Variants in EPS15 observed in about 807,000 individuals in gnomAD.
The protein encoded by EPS15 is epidermal growth factor receptor substrate 15.
EPS15 carries 72 observed loss-of-function variants against 113.8 expected under a neutral mutation model. That is an observed-to-expected ratio of 0.63 (90% CI 0.52 to 0.77). The LOEUF (loss-of-function observed/expected upper bound fraction) is 0.77, where lower values mean the gene tolerates loss of function less well. EPS15 is among the 30% of genes least tolerant of loss of function. EPS15 has a pLI of 0.00. For synonymous variants in EPS15, 344 were observed against 363.4 expected, an observed-to-expected ratio of 0.95 and a Z score of 0.61; for missense variants, 1,048 against 1,045.8, an observed-to-expected ratio of 1.00 and a Z score of -0.03.
intron 12 of EPS15, among the ~76,000 whole-genome samples, chr1:51,435,125 A>G (rs1489983148): frequency 6.6e-6 from 1 of 152,128 alleles, no homozygotes; most frequent in Non-Finnish European, 1.5e-5. Flanking sequence ...TCAGCCCACT[A>G]ACCTTAATGT....
At chr1:51,490,221 C>T (rs1009320773) in intron 1 of EPS15, 1 of 423,454 alleles carries the variant, frequency 2.4e-6, no homozygotes, top group African/African-American at 2.1e-5. Flanking sequence ...CTCTAACACA[C>T]AAAATAAACT....
chr1:51,444,845 C>A (rs1435703715), intron 11 of EPS15, 44 bp downstream of exon 11: 1 of 1,550,590 alleles, frequency 6.4e-7, no homozygotes, highest in African/African-American at 1.4e-5. Flanking sequence ...TAGTATTGTT[C>A]CTTTGAAATT....
At chr1:51,514,052 T>A (rs1187733422) in intron 1 of EPS15, among the ~76,000 whole-genome samples, 1 of 152,186 alleles carries the variant, frequency 6.6e-6, no homozygotes, top group Admixed American at 6.5e-5. Flanking sequence ...AAAATTTTAG[T>A]GTTTTTTTTC....
intron 9 of EPS15, among the ~76,000 whole-genome samples, chr1:51,447,372 T>A (rs1274235029): frequency 6.6e-6 from 1 of 152,222 alleles, no homozygotes; most frequent in African/African-American, 2.4e-5. Context: ...CAAACATAGT[T>A]AACTCTTGAC....
chr1:51,493,878 G>C (rs1644285195), intron 1 of EPS15, among the ~76,000 whole-genome samples: 1 of 151,990 alleles, frequency 6.6e-6, no homozygotes, highest in Non-Finnish European at 1.5e-5. Context: ...GCCTCCCAAA[G>C]TGCTGGGATT....
At chr1:51,408,797 ATTTTTTT>A (rs34612487) in intron 14 of EPS15, among the ~76,000 whole-genome samples, 1 of 109,598 alleles carries the variant, frequency 9.1e-6, no homozygotes, top group African/African-American at 3.5e-5. Context: ...CTGGCTTTCA[ATTTTTTT>A]TTTTTTTTTT....
chr1:51,357,379 A>G (rs1646241617), intron 24 of EPS15, among the ~76,000 whole-genome samples: 1 of 39,670 alleles, frequency 2.5e-5, no homozygotes, highest in Non-Finnish European at 4.5e-5. Flanking sequence ...TCCATCTGAA[A>G]AAAAAAAAAA....
At chr1:51,401,008 C>A (rs760414927) in intron 18 of EPS15, 55 bp from the exon 19 acceptor site, 2 of 1,146,618 alleles carry the variant, frequency 1.7e-6, no homozygotes, top group Non-Finnish European at 1.3e-6. Flanking sequence ...TGTGGTGACA[C>A]CACTACTTAA....
At chr1:51,467,015 C>A (rs1654888150) in intron 5 of EPS15, among the ~76,000 whole-genome samples, 1 of 152,148 alleles carries the variant, frequency 6.6e-6, no homozygotes, top group African/African-American at 2.4e-5. Context: ...TATAAACAGA[C>A]ATTCACATAA....
At chr1:51,494,596 G>C (rs1644295123) in intron 1 of EPS15, among the ~76,000 whole-genome samples, 1 of 152,158 alleles carries the variant, frequency 6.6e-6, no homozygotes, top group Non-Finnish European at 1.5e-5. Context: ...CACTGTATCA[G>C]TTCACAAGGG....
intron 5 of EPS15, among the ~76,000 whole-genome samples, chr1:51,466,112 A>C (rs1654825620): frequency 1.3e-5 from 2 of 149,632 alleles, no homozygotes; most frequent in Non-Finnish European, 3.0e-5. Context: ...CAAATATGAT[A>C]ATTAAAACAA....
In EPS15 at chr1:51,405,835, T is replaced by C. The variant is rs1292342906; in HGVS notation, c.1677+70A>G. 9 of 1,267,774 alleles carry C rather than the reference T, an allele frequency of 7.1e-6. No homozygotes were observed. The African/African-American group carries it at 1.2e-4, about 17-fold the overall frequency. The allele number at this position is 1,267,774 out of a possible 1,614,324, so 78.5% of individuals were successfully genotyped here. A position where few individuals can be genotyped will look rare whatever the true frequency, so the allele number is the denominator to read the frequency against. Reference sequence around the variant, plus strand: ...GGCAAGGCCATGTATTTATATTAGATATAATGTCAGTGAAACTTGGATCTG... The same window carrying C: ...GGCAAGGCCATGTATTTATATTAGACATAATGTCAGTGAAACTTGGATCTG... On this transcript the variant is annotated intron_variant, in intron 16 of 24. Transcript: ENST00000371733.
At chr1:51,430,140 AC>A (rs1651588138) in intron 12 of EPS15, among the ~76,000 whole-genome samples, 1 of 152,062 alleles carries the variant, frequency 6.6e-6, no homozygotes, top group African/African-American at 2.4e-5. Flanking sequence ...GCAATAAAAC[AC>A]CCTGACTCTG....
At chr1:51,397,795 TAATC>T (rs1218641624) in intron 20 of EPS15, among the ~76,000 whole-genome samples, 2 of 152,242 alleles carry the variant, frequency 1.3e-5, no homozygotes, top group East Asian at 3.8e-4. Flanking sequence ...GAAATATTCT[TAATC>T]TAATAGTACT....
intron 12 of EPS15, among the ~76,000 whole-genome samples, chr1:51,426,837 C>CTCTATATA (rs377211027): frequency 3.1e-4 from 45 of 143,560 alleles, no homozygotes; most frequent in Non-Finnish European, 5.0e-4. Context: ...CTCTCTCTCT[C>CTCTATATA]TATATATATA....
intron 8 of EPS15, chr1:51,458,598 G>A (rs761661902): frequency 6.9e-6 from 3 of 436,056 alleles, no homozygotes; most frequent in African/African-American, 2.1e-5. Flanking sequence ...TTAGCCGGGG[G>A]TGGTGGTGCA....
At chr1:51,462,934 T>C (rs1421002771) in intron 7 of EPS15, among the ~76,000 whole-genome samples, 1 of 144,450 alleles carries the variant, frequency 6.9e-6, no homozygotes, top group Admixed American at 7.3e-5. Flanking sequence ...TGGAGTGTAG[T>C]GGTGCGATCT....
chr1:51,481,176 A>G, intron 2 of EPS15, 97 bp downstream of exon 2: 2 of 742,772 alleles, frequency 2.7e-6, no homozygotes, highest in South Asian at 1.5e-5. Context: ...AGACACATCA[A>G]ATTTATCGAG....
intron 13 of EPS15, among the ~76,000 whole-genome samples, chr1:51,418,506 A>G (rs535035702): frequency 1.1e-4 from 17 of 152,112 alleles, no homozygotes; most frequent in South Asian, 6.2e-4. Flanking sequence ...GAAGGGGGGG[A>G]AAATGGCCAC....
Sources: allele counts gnomAD v4.1 joint callset (sites outside exome capture counted in the v4.1 genomes callset), GRCh38; gene constraint gnomAD v4.1.1; transcripts MANE v1.5; gene names NCBI Gene and HGNC (gene_info 2026-07-23, HGNC 2026-07-21).